DOCK1: variants seen among roughly 807,000 people sequenced by gnomAD.
DOCK1 encodes the protein dedicator of cytokinesis protein 1.
DOCK1 carries 138 observed loss-of-function variants against 262.7 expected under a neutral mutation model. That is an observed-to-expected ratio of 0.53 (90% CI 0.46 to 0.61). The LOEUF is 0.61. DOCK1 is among the 20% of genes least tolerant of loss of function. The pLI is 0.00. For missense variants in DOCK1, 1,908 were observed against 2,370.7 expected, an observed-to-expected ratio of 0.80 and a Z score of 4.05; for synonymous variants, 866 against 867.4, an observed-to-expected ratio of 1.00 and a Z score of 0.03.
At chr10:127,391,722 C>G (rs1001255847) in intron 38 of DOCK1, among the ~76,000 whole-genome samples, 1 of 152,102 alleles carries the variant, frequency 6.6e-6, no homozygotes, top group Admixed American at 6.5e-5. Flanking sequence ...AGAAGCCCTG[C>G]TGCTAGATCC....
At chr10:127,177,247 T>C (rs190056327) in intron 27 of DOCK1, 1 of 152,334 alleles carries the variant, frequency 6.6e-6, no homozygotes, top group Admixed American at 6.5e-5. Flanking sequence ...ACTTAAATTC[T>C]GAAAGCAAAT....
chr10:127,302,741 GGTGT>G lies in DOCK1; in HGVS notation c.3045-36222_3045-36219del, dbSNP rs1196456742. ...CTTTTCCTAACTCTGGAAAAGAGGGGGTGTGTGTGTGTGTGTGTGTGTGTGTGTG... is the reference window on the plus strand; with the variant it reads ...CTTTTCCTAACTCTGGAAAAGAGGGGGTGTGTGTGTGTGTGTGTGTGTGTG... On this transcript the variant is annotated intron_variant, in intron 29 of 51. Coordinates refer to ENST00000623213, the MANE Select transcript of DOCK1 (RefSeq NM_001290223.2). Among the ~76,000 whole-genome samples, 317 of 108,154 alleles carry G rather than the reference GGTGT, an allele frequency of 2.9e-3. 2 individuals carry two copies. The East Asian group carries it at 0.037, about 13-fold the overall frequency. The allele number at this position is 108,154 out of a possible 152,430, so 71.0% of individuals were successfully genotyped here.
In DOCK1 at chr10:126,936,148, T is replaced by G. The variant is rs1327531568; in HGVS notation, c.46+30585T>G. 1.1e-4 allele frequency among the ~76,000 whole-genome samples: 17 copies of G among 152,308 alleles called. No homozygotes were observed. In the East Asian group the frequency reaches 2.1e-3, roughly 19 times the overall value. ...GGTGCACACCACCATACTTTGCTAA[T>G]TTTTAAACATTTTGTACAGACAGGG... On this transcript the variant is annotated intron_variant, in intron 1 of 51. Transcript: ENST00000623213.
At chr10:127,358,207 C>T (rs772903244) in intron 32 of DOCK1, among the ~76,000 whole-genome samples, 1 of 152,092 alleles carries the variant, frequency 6.6e-6, no homozygotes, top group Non-Finnish European at 1.5e-5. Context: ...ATGCATGGCC[C>T]ATAGAGAGGA....
intron 1 of DOCK1, among the ~76,000 whole-genome samples, chr10:126,950,147 C>T (rs2036078418): frequency 6.6e-6 from 1 of 151,864 alleles, no homozygotes; most frequent in Non-Finnish European, 1.5e-5. Context: ...TTAGGTAGTC[C>T]ACGAGAAGCA....
intron 27 of DOCK1, among the ~76,000 whole-genome samples, chr10:127,150,691 A>G (rs944039408): frequency 1.3e-5 from 2 of 152,224 alleles, no homozygotes; most frequent in African/African-American, 2.4e-5. Flanking sequence ...ATGTCATGCA[A>G]ACCACTGAGG....
chr10:127,347,315 G>T (rs891540932), intron 31 of DOCK1, among the ~76,000 whole-genome samples: 1 of 152,224 alleles, frequency 6.6e-6, no homozygotes, highest in African/African-American at 2.4e-5. Context: ...ATGGTCTAGT[G>T]GGGTAAATGG....
chr10:127,404,946 T>A (rs574713385), intron 40 of DOCK1, among the ~76,000 whole-genome samples: 1 of 152,244 alleles, frequency 6.6e-6, no homozygotes, highest in Non-Finnish European at 1.5e-5. Flanking sequence ...AATTGTACAG[T>A]GTTCGCCCTT....
At chr10:126,948,709 G>T (rs2035859876) in intron 1 of DOCK1, among the ~76,000 whole-genome samples, 2 of 151,988 alleles carry the variant, frequency 1.3e-5, no homozygotes, top group Admixed American at 6.6e-5. Flanking sequence ...AGCCTGTGAT[G>T]CGGGCGCCCA....
chr10:127,019,502 A>G lies in DOCK1; in HGVS notation c.1327+667A>G, dbSNP rs1014473025. On this transcript the variant is annotated intron_variant, in intron 13 of 51. Coordinates refer to ENST00000623213, the MANE Select transcript of DOCK1 (RefSeq NM_001290223.2). ...AGTGGCTCATGCCTGTAATCCTAGC[A>G]CTTTGGGAGTTCGAGGCGGGGGGAT... Among the ~76,000 whole-genome samples, 3 of 150,962 alleles carry G rather than the reference A, an allele frequency of 2.0e-5. No individual in the cohort carries two copies. The Admixed American group carries it at 2.0e-4, about 10-fold the overall frequency.
chr10:127,182,014 G>A (rs1036847662), intron 27 of DOCK1, among the ~76,000 whole-genome samples: 1 of 152,124 alleles, frequency 6.6e-6, no homozygotes, highest in Non-Finnish European at 1.5e-5. Context: ...GACCAAAAAG[G>A]GGTGACTGGA....
At chr10:126,931,816 T>C (rs1433561720) in intron 1 of DOCK1, among the ~76,000 whole-genome samples, 1 of 152,158 alleles carries the variant, frequency 6.6e-6, no homozygotes, top group Non-Finnish European at 1.5e-5. Context: ...TCCCTGGGCT[T>C]CGGGAGGATG....
intron 38 of DOCK1, among the ~76,000 whole-genome samples, chr10:127,390,364 A>T (rs1035393027): frequency 1.3e-5 from 2 of 152,130 alleles, no homozygotes; most frequent in African/African-American, 4.8e-5. Context: ...AAAAAAACAA[A>T]TGTTCTTATG....
chr10:127,064,189 G>A (rs1240025087), intron 23 of DOCK1, among the ~76,000 whole-genome samples: 1 of 152,180 alleles, frequency 6.6e-6, no homozygotes. Context: ...GTACCAAACG[G>A]TTGGTACCTT....
At position 127,176,045 on chromosome 10, in the gene DOCK1, C is replaced by G; in HGVS notation, c.2847+48281C>G. Reference sequence around the variant, plus strand: ...TCCCCTTTTTGCGGTCCAGAGGGAACGTCTGGTAACACTTCTTAAGGTCGG... The same window carrying G: ...TCCCCTTTTTGCGGTCCAGAGGGAAGGTCTGGTAACACTTCTTAAGGTCGG... On this transcript the variant is annotated intron_variant, in intron 27 of 51. Transcript: ENST00000623213. The surrounding 1 kb of genome is among the most constrained non-coding windows in gnomAD (Gnocchi z 4.4). 1 of 1,614,100 alleles carries G rather than the reference C, an allele frequency of 6.2e-7. No homozygotes were observed. Among genetic ancestry groups the G allele is most frequent in the Non-Finnish European group, 8.5e-7 (1 of 1,180,038 alleles).
At position 127,451,367 on chromosome 10, in the gene DOCK1, T is replaced by G. The variant is rs758595573; in HGVS notation, c.5601T>G (p.Pro1867=). The G allele has an allele frequency of 8.7e-6, 14 of 1,600,062 alleles. No individual in the cohort carries two copies. In the African/African-American group the frequency reaches 1.6e-4, roughly 18 times the overall value. The change falls in exon 52 of 52, where the codon CCT becomes CCG. Residue 1867 remains proline, a synonymous_variant. Transcript: ENST00000623213. ...LPPPLPSKTP[P]PPPPKTTRKQ... ...CTCCACTGCCCAGCAAAACTCCGCC[T>G]CCTCCCCCTCCAAAGACAACTCGCA...
intron 29 of DOCK1, among the ~76,000 whole-genome samples, chr10:127,319,807 C>T (rs2062440298): frequency 6.6e-6 from 1 of 152,194 alleles, no homozygotes; most frequent in Non-Finnish European, 1.5e-5. Flanking sequence ...TGTGTTTAAC[C>T]TGAGCTCTGC....
chr10:127,319,107 G>T (rs1324051275), intron 29 of DOCK1, among the ~76,000 whole-genome samples: 1 of 152,212 alleles, frequency 6.6e-6, no homozygotes. Flanking sequence ...GAGAAGAAAA[G>T]AAAACGAAGA....
At chr10:127,029,810 CATT>C (rs1176083725) in intron 16 of DOCK1, among the ~76,000 whole-genome samples, 1 of 152,132 alleles carries the variant, frequency 6.6e-6, no homozygotes, top group Non-Finnish European at 1.5e-5. Flanking sequence ...TTCTGCTGAC[CATT>C]ATTGTCACAC....
Sources: gnomAD v4.1 joint callset for allele counts (sites outside exome capture counted in the v4.1 genomes callset) on GRCh38, gnomAD v4.1.1 for gene constraint, Gnocchi (gnomAD v3.1) non-coding constraint, MANE v1.5 for transcripts, NCBI Gene and HGNC (gene_info 2026-07-23, HGNC 2026-07-21) for gene names.